The following PRH1 variants were observed in gnomAD, a reference collection of about 807,000 sequenced individuals.
PRH1 encodes salivary acidic proline-rich phosphoprotein 1/2.
In PRH1, 7 loss-of-function variants were observed where a neutral mutation model predicts 7.9. The observed-to-expected ratio is 0.89, with a 90% confidence interval of 0.50 to 1.67. PRH1 has a LOEUF of 1.67. Among genes scored for constraint, PRH1 ranks in the 40% most tolerant of loss-of-function variants. The pLI is 0.00. For synonymous variants in PRH1, 45 were observed against 80.8 expected (o/e 0.56, Z 2.38); for missense variants, 109 against 223.6 (o/e 0.49, Z 3.27).
At chr12:10,941,068 G>A (rs1186073861) in intron 2 of PRH1, among the ~76,000 whole-genome samples, 2 of 152,030 alleles carry the variant, frequency 1.3e-5, no homozygotes, top group Non-Finnish European at 2.9e-5. Flanking sequence ...CCCTGGCCTC[G>A]CTATATCCAG....
At chr12:11,067,346 A>G (rs1018931042) in intron 1 of PRH1, among the ~76,000 whole-genome samples, 1 of 152,210 alleles carries the variant, frequency 6.6e-6, no homozygotes, top group African/African-American at 2.4e-5. Flanking sequence ...TTTTGGGATA[A>G]TAGGTCTATA....
intron 1 of PRH1, among the ~76,000 whole-genome samples, chr12:11,156,506 C>T (rs1203023367): frequency 6.6e-6 from 1 of 152,178 alleles, no homozygotes; most frequent in Non-Finnish European, 1.5e-5. Context: ...AGCCTCAATG[C>T]TCTTCCCCTT....
chr12:10,912,722 A>T (rs962352668), intron 2 of PRH1, among the ~76,000 whole-genome samples: 1 of 151,954 alleles, frequency 6.6e-6, no homozygotes, highest in Non-Finnish European at 1.5e-5. Context: ...TTCTAAATTT[A>T]TTGTGATTTT....
chr12:10,883,248 A>C (rs1300729464), intron 1 of PRH1, among the ~76,000 whole-genome samples, 152 bp from the exon 2 acceptor site: 1 of 152,190 alleles, frequency 6.6e-6, no homozygotes, highest in Non-Finnish European at 1.5e-5. Flanking sequence ...GAAGTGGAAG[A>C]AGATGTAAGG....
chr12:11,104,760 T>G (rs1236677310), intron 1 of PRH1, among the ~76,000 whole-genome samples: 1 of 152,104 alleles, frequency 6.6e-6, no homozygotes, highest in African/African-American at 2.4e-5. Context: ...TGGCACAGAT[T>G]TATAATTCTA....
At chr12:10,948,254 A>G (rs1259926163) in intron 2 of PRH1, among the ~76,000 whole-genome samples, 1 of 152,216 alleles carries the variant, frequency 6.6e-6, no homozygotes, top group African/African-American at 2.4e-5. Flanking sequence ...TCTCCCTTTC[A>G]GGGATTCCAG....
intron 2 of PRH1, among the ~76,000 whole-genome samples, chr12:10,907,136 A>T (rs975111546): frequency 1.3e-5 from 2 of 152,144 alleles, no homozygotes; most frequent in Non-Finnish European, 2.9e-5. Flanking sequence ...ACACTCGTAT[A>T]TTGCTGGCAA....
chr12:10,925,154 C>G (rs555342829), intron 2 of PRH1, among the ~76,000 whole-genome samples: 2 of 152,304 alleles, frequency 1.3e-5, no homozygotes, highest in African/African-American at 4.8e-5. Context: ...TCTTCTTTCA[C>G]TTATTAAACT....
At chr12:10,884,475 A>T (rs894157072), upstream of PRH1, among the ~76,000 whole-genome samples, 9 of 152,196 alleles carry the variant, frequency 5.9e-5, no homozygotes, top group African/African-American at 2.2e-4. Flanking sequence ...GACTTGGACA[A>T]ATGTTTTGAC....
chr12:11,050,989 C>T (rs1215175038), upstream of PRH1, among the ~76,000 whole-genome samples: 2 of 152,266 alleles, frequency 1.3e-5, no homozygotes, highest in East Asian at 3.8e-4. Context: ...TGGCCCATCT[C>T]CAATCACCAC....
chr12:11,155,373 T>A (rs989510997), intron 1 of PRH1, among the ~76,000 whole-genome samples: 1 of 152,126 alleles, frequency 6.6e-6, no homozygotes, highest in East Asian at 1.9e-4. Flanking sequence ...CCAGAGAAGG[T>A]ACAGAAACCT....
At position 10,882,714 on chromosome 12, in the gene PRH1, C is replaced by G; in HGVS notation, c.101-16G>C. 1 of 1,594,310 alleles carries G rather than the reference C, an allele frequency of 6.3e-7. No homozygotes were observed. The highest frequency in any genetic ancestry group is 8.5e-7 in the Non-Finnish European group (1 of 1,170,302). On this transcript the variant is annotated splice_polypyrimidine_tract_variant and intron_variant, in intron 2 of 3. Coordinates refer to ENST00000543626, the MANE Select transcript of PRH1 (RefSeq NM_001393989.1). Reference sequence around the variant, plus strand: ...TCTCCTCCATCTGTGTGAGTTGAAACAAGAAGAGCTGAGCTCATGCTGGAA... The same window carrying G: ...TCTCCTCCATCTGTGTGAGTTGAAAGAAGAAGAGCTGAGCTCATGCTGGAA...
intron 2 of PRH1, among the ~76,000 whole-genome samples, chr12:10,941,442 T>A (rs912591028): frequency 9.9e-5 from 15 of 152,178 alleles, no homozygotes; most frequent in African/African-American, 3.4e-4. Flanking sequence ...AGTGTCAAAG[T>A]TACATTTAGG....
rs111987742 is a variant in PRH1, at chr12:10,975,200, C to G, written c.-125-1479G>C. On this transcript the variant is annotated intron_variant, in intron 1 of 3. Coordinates refer to the PRH1 transcript ENST00000539853. ...GGACAGATCACCTACAAAGGGAACC[C>G]CATCAGGCTAACAATGGACCTTTTA... Among the ~76,000 whole-genome samples, 684 of 152,232 alleles carry G rather than the reference C, an allele frequency of 4.5e-3. 5 individuals are homozygous for G. The highest frequency in any genetic ancestry group is 0.015 in the African/African-American group (640 of 41,526).
chr12:11,026,289 A>G (rs575471357), intron 1 of PRH1, among the ~76,000 whole-genome samples: 3 of 152,258 alleles, frequency 2.0e-5, no homozygotes, highest in Admixed American at 6.5e-5. Context: ...TCGCCTCCCA[A>G]AGTGCTAGGA....
chr12:11,072,491 G>A (rs1376982936), intron 1 of PRH1, among the ~76,000 whole-genome samples: 3 of 152,230 alleles, frequency 2.0e-5, no homozygotes, highest in East Asian at 1.9e-4. Context: ...CGAAGCCTGC[G>A]AAATTCTCCT....
chr12:11,061,224 G>C (rs1943585842), intron 1 of PRH1: 4 of 1,167,454 alleles, frequency 3.4e-6, no homozygotes, highest in Non-Finnish European at 4.7e-6. Flanking sequence ...TTAGACTAAC[G>C]TTAGGTAAAA....
At chr12:11,035,596 C>G (rs1234537309) in intron 1 of PRH1, among the ~76,000 whole-genome samples, 1 of 151,950 alleles carries the variant, frequency 6.6e-6, no homozygotes. Flanking sequence ...TTTAGTATAC[C>G]TGACATGAAA....
At chr12:11,140,360 T>C (rs1426031318) in intron 1 of PRH1, among the ~76,000 whole-genome samples, 5 of 152,142 alleles carry the variant, frequency 3.3e-5, no homozygotes, top group Non-Finnish European at 7.4e-5. Context: ...ATTGCTGTTA[T>C]TGAAAAAATG....
Sources: gnomAD v4.1 joint callset for allele counts (sites outside exome capture counted in the v4.1 genomes callset) on GRCh38, gnomAD v4.1.1 for gene constraint, MANE v1.5 for transcripts, NCBI Gene and HGNC (gene_info 2026-07-23, HGNC 2026-07-21) for gene names.